GRHPR: variants seen among roughly 807,000 people sequenced by gnomAD.
GRHPR encodes the protein glyoxylate reductase/hydroxypyruvate reductase.
In GRHPR, 35 loss-of-function variants were observed where a neutral mutation model predicts 36.8. The ratio of observed to expected loss-of-function variants is 0.95; its 90% confidence interval spans 0.73 to 1.26. The LOEUF is 1.26. Ranked by LOEUF, GRHPR falls within the 50% of genes most tolerant of loss-of-function variation. GRHPR has a pLI of 0.00. For synonymous variants in GRHPR, 179 were observed against 181.0 expected (o/e 0.99, Z 0.09); for missense variants, 380 against 435.0 (o/e 0.87, Z 1.12).
intron 7 of GRHPR, 30 bp from the exon 8 acceptor site, chr9:37,431,978 G>A (rs553134568): frequency 2.5e-6 from 4 of 1,613,222 alleles, no homozygotes; most frequent in Admixed American, 1.7e-5. Flanking sequence ...GGGATCTTCG[G>A]GGTACCCATG....
intron 4 of GRHPR, chr9:37,428,135 G>C (rs1823173987): frequency 2.5e-6 from 1 of 406,364 alleles, no homozygotes; most frequent in African/African-American, 2.0e-5. Flanking sequence ...AAGAGAACTT[G>C]TTTTGGAATC....
intron 6 of GRHPR, 185 bp from the exon 7 acceptor site, chr9:37,430,326 G>T: frequency 1.5e-6 from 1 of 678,650 alleles, no homozygotes; most frequent in Non-Finnish European, 2.7e-6. Context: ...AGCCAGAGTG[G>T]TCCAGATCCC....
intron 7 of GRHPR, 39 bp from the exon 8 acceptor site, chr9:37,431,969 G>A: frequency 5.0e-6 from 8 of 1,612,108 alleles, no homozygotes; most frequent in Non-Finnish European, 6.8e-6. Context: ...CTGGGCGGAG[G>A]GATCTTCGGG....
chr9:37,436,966 T>C lies in GRHPR; in HGVS notation c.*184T>C. ...ACATTTGCGCCAAAAGTATGGTAAT[T>C]CTATTATTAAATAATTCTCTGAGAG... On this transcript the variant is annotated 3_prime_UTR_variant, in exon 9 of 9. Transcript: ENST00000318158. 1.6e-6 allele frequency: 1 copy of C among 629,558 alleles called. No homozygotes were observed. Among genetic ancestry groups the C allele is most frequent in the African/African-American group, 1.8e-5 (1 of 54,664 alleles). The allele number at this position is 629,558 out of a possible 1,614,324, so 39.0% of individuals were successfully genotyped here.
At chr9:37,425,672 G>A (rs534729801) in intron 2 of GRHPR, among the ~76,000 whole-genome samples, 5 of 152,340 alleles carry the variant, frequency 3.3e-5, no homozygotes, top group East Asian at 1.9e-4. Context: ...GGGTAAGAGC[G>A]GGGCCTTGGT....
chr9:37,430,431 G>T (rs1823304780), intron 6 of GRHPR, 80 bp from the exon 7 acceptor site: 1 of 1,240,732 alleles, frequency 8.1e-7, no homozygotes. Flanking sequence ...TAGGGAGTCG[G>T]GAGCAAGGGG....
chr9:37,431,901 G>C, intron 7 of GRHPR, 107 bp from the exon 8 acceptor site: 2 of 1,197,630 alleles, frequency 1.7e-6, no homozygotes, highest in Non-Finnish European at 2.5e-6. Context: ...TGCTTTAAAA[G>C]TCAGTGCCAA....
intron 6 of GRHPR, 97 bp from the exon 7 acceptor site, chr9:37,430,414 T>C (rs1292423586): frequency 4.8e-6 from 5 of 1,043,476 alleles, no homozygotes; most frequent in Non-Finnish European, 7.5e-6. Context: ...ATCTTGGGAG[T>C]TTCTGTTAGG....
Position 37,425,954 on chromosome 9 carries a change from G to A in GRHPR, c.247G>A (p.Val83Met). 6.2e-7 allele frequency: 1 copy of A among 1,613,790 alleles called. No individual in the cohort carries two copies. The highest frequency in any genetic ancestry group is 8.5e-7 in the Non-Finnish European group (1 of 1,179,644). ...ANLKVISTMSVGIDHLALDEI... is the reference protein window; with the variant it reads ...ANLKVISTMSMGIDHLALDEI... ...TCTCAAAGTCATCAGCACCATGTCT[G>A]TGGGCATCGACCACTTGGCTTTGGA... The change falls in exon 3 of 9, where the codon GTG (valine) becomes ATG (methionine). Residue 83 changes from valine to methionine, a missense_variant. By Grantham distance (21) the Val-to-Met change is conservative (BLOSUM62 1). Coordinates refer to ENST00000318158, the MANE Select transcript of GRHPR (RefSeq NM_012203.2).
At chr9:37,424,770 C>T (rs1005667957) in intron 1 of GRHPR, 75 bp from the exon 2 acceptor site, 4 of 1,564,640 alleles carry the variant, frequency 2.6e-6, no homozygotes, top group Non-Finnish European at 3.5e-6. Context: ...CATCAGAGGC[C>T]AGGATTCCCA....
Position 37,426,544 on chromosome 9 carries a change from C to A in GRHPR, c.294C>A (p.Ile98=). Residue 98 remains isoleucine (I), a synonymous_variant, in exon 4 of 9, where the codon ATC becomes ATA. Coordinates refer to ENST00000318158, the MANE Select transcript of GRHPR (RefSeq NM_012203.2). ...LALDEIKKRG[I]RVGYTPDVLT... ...CCAGATGTCTGATTCGTAGTGGGAT[C>A]CGAGTTGGCTACACCCCAGATGTCC... 1 of 1,603,194 alleles carries A rather than the reference C, an allele frequency of 6.2e-7. No individual in the cohort carries two copies. The highest frequency in any genetic ancestry group is 8.5e-7 in the Non-Finnish European group (1 of 1,170,054).
intron 4 of GRHPR, 177 bp from the exon 5 acceptor site, chr9:37,428,307 T>C: frequency 3.0e-6 from 2 of 662,824 alleles, no homozygotes; most frequent in Non-Finnish European, 5.5e-6. Context: ...GCTTTAAAGG[T>C]GGAGTCGTTT....
At position 37,426,544 on chromosome 9, in the gene GRHPR, C is replaced by G. The variant is rs774921138; in HGVS notation, c.294C>G (p.Ile98Met). 6.2e-6 allele frequency: 10 copies of G among 1,603,078 alleles called. No individual in the cohort carries two copies. In the Middle Eastern group the frequency reaches 4.9e-4, roughly 79 times the overall value. Residue 98 changes from isoleucine (I) to methionine (M), a missense_variant, in exon 4 of 9, where the codon ATC becomes ATG. By Grantham distance (10) the Ile-to-Met change is conservative. Transcript: ENST00000318158. ...CCAGATGTCTGATTCGTAGTGGGAT[C>G]CGAGTTGGCTACACCCCAGATGTCC... ...LALDEIKKRGIRVGYTPDVLT... is the reference protein window; with the variant it reads ...LALDEIKKRGMRVGYTPDVLT...
At position 37,422,727 on chromosome 9, in the gene GRHPR, T is replaced by G; in HGVS notation, c.-24T>G. 11 of 1,546,342 alleles carry G rather than the reference T, an allele frequency of 7.1e-6. No individual in the cohort carries two copies. The highest frequency in any genetic ancestry group is 9.7e-6 in the Non-Finnish European group (11 of 1,139,384). On this transcript the variant is annotated 5_prime_UTR_variant, in exon 1 of 9. Transcript: ENST00000318158. ...CCGGGCCAGCTTCTGTACTGCCAGG[T>G]CCGGGTCGGCGGCTGCACTGCGGAT...
intron 8 of GRHPR, chr9:37,434,014 C>T: frequency 2.6e-6 from 1 of 380,628 alleles, no homozygotes; most frequent in Non-Finnish European, 4.6e-6. Flanking sequence ...TCGCCCACAG[C>T]CAGGAAAACT....
intron 1 of GRHPR, 38 bp from the exon 2 acceptor site, chr9:37,424,807 G>A (rs763218587): frequency 5.6e-6 from 9 of 1,604,548 alleles, no homozygotes; most frequent in African/African-American, 2.7e-5. Context: ...ACAGGTGTGC[G>A]GCTCCTGCTT....
chr9:37,436,623 C>G (rs753280375), intron 8 of GRHPR, 38 bp from the exon 9 acceptor site: 104 of 1,610,870 alleles, frequency 6.5e-5, no homozygotes, highest in Non-Finnish European at 8.2e-5. Context: ...GCTGAACCAC[C>G]CTTCTTATCT....
At chr9:37,439,384 C>T (rs1389544023), downstream of GRHPR, 2 of 152,208 alleles carry the variant, frequency 1.3e-5, no homozygotes, top group Non-Finnish European at 2.9e-5. Context: ...GTTTGGATTT[C>T]AAACAACTTT....
chr9:37,422,691 C>CA (rs1180217257), upstream of GRHPR: 15 of 1,336,788 alleles, frequency 1.1e-5, no homozygotes, highest in East Asian at 3.7e-4. Context: ...CGCCCCGGCC[C>CA]AGCTACATTC....
Sources: allele counts gnomAD v4.1 joint callset (sites outside exome capture counted in the v4.1 genomes callset), GRCh38; gene constraint gnomAD v4.1.1; transcripts MANE v1.5; gene names NCBI Gene and HGNC (gene_info 2026-07-23, HGNC 2026-07-21).